Variants in COX7B2 observed in about 807,000 individuals in gnomAD.
COX7B2 encodes the protein cytochrome c oxidase subunit 7B2.
For missense variants in COX7B2, 109 were observed against 95.9 expected (o/e 1.14, Z -0.57); for synonymous variants, 37 against 32.1 (o/e 1.15, Z -0.51).
intron 1 of COX7B2, among the ~76,000 whole-genome samples, chr4:46,892,960 T>C (rs1222758329): frequency 6.6e-6 from 1 of 152,176 alleles, no homozygotes; most frequent in African/African-American, 2.4e-5. Flanking sequence ...TGCATGGCTT[T>C]CATTCTTCCC....
At chr4:46,775,611 G>A (rs1717113906) in intron 2 of COX7B2, among the ~76,000 whole-genome samples, 1 of 151,986 alleles carries the variant, frequency 6.6e-6, no homozygotes, top group Admixed American at 6.6e-5. Context: ...TCTGAATAAT[G>A]TCTTTTTCTC....
At chr4:46,803,036 C>T (rs543133508) in intron 2 of COX7B2, among the ~76,000 whole-genome samples, 3 of 152,118 alleles carry the variant, frequency 2.0e-5, no homozygotes, top group East Asian at 3.9e-4. Context: ...ATTCCATAAA[C>T]CTCCTTAGCA....
chr4:46,777,386 G>C (rs1717212220), intron 2 of COX7B2, among the ~76,000 whole-genome samples: 1 of 152,138 alleles, frequency 6.6e-6, no homozygotes, highest in African/African-American at 2.4e-5. Flanking sequence ...CAGAGAGAGA[G>C]AGAGAGACAG....
intron 2 of COX7B2, among the ~76,000 whole-genome samples, chr4:46,844,425 A>G (rs1232038923): frequency 6.6e-6 from 1 of 151,928 alleles, no homozygotes; most frequent in Non-Finnish European, 1.5e-5. Flanking sequence ...TCAACCCGGC[A>G]AAAAAGGCCC....
chr4:46,768,642 C>T (rs879246175), intron 2 of COX7B2, among the ~76,000 whole-genome samples: 1 of 152,010 alleles, frequency 6.6e-6, no homozygotes, highest in Admixed American at 6.6e-5. Flanking sequence ...GAAAAAGAAA[C>T]ATCTCAAATA....
At chr4:46,807,312 T>C (rs1719055140) in intron 2 of COX7B2, among the ~76,000 whole-genome samples, 1 of 152,014 alleles carries the variant, frequency 6.6e-6, no homozygotes, top group African/African-American at 2.4e-5. Flanking sequence ...ATGTCTTCTT[T>C]GGAGAAGTGT....
At chr4:46,903,800 C>CA (rs1468153438) in intron 1 of COX7B2, 4 of 152,256 alleles carry the variant, frequency 2.6e-5, no homozygotes, top group Non-Finnish European at 4.4e-5. Flanking sequence ...TACTATATAG[C>CA]CTATGTGTGT....
At position 46,743,843 on chromosome 4, in the gene COX7B2, T is replaced by C. The variant is rs561924299; in HGVS notation, c.-49-8602A>G. On this transcript the variant is annotated intron_variant, in intron 2 of 2. Transcript: ENST00000355591. ...GGAAAACCAAAGGATGCCTCTGTGT[T>C]CTCAATATTGTTACATCACTGTACT... Among the ~76,000 whole-genome samples, 5 of 152,288 alleles carry C rather than the reference T, an allele frequency of 3.3e-5. No individual in the cohort carries two copies. The South Asian group carries it at 1.0e-3, about 32-fold the overall frequency.
At position 46,756,008 on chromosome 4, in the gene COX7B2, A is replaced by G. The variant is rs547623344; in HGVS notation, c.-49-20767T>C. Reference sequence around the variant, plus strand: ...AAAAATGGCCCAAATAGCCAAAGAAATCCTAACCAAAAAGAACAAAGCTGG... The same window carrying G: ...AAAAATGGCCCAAATAGCCAAAGAAGTCCTAACCAAAAAGAACAAAGCTGG... On this transcript the variant is annotated intron_variant, in intron 2 of 2. Transcript: ENST00000355591. Among the ~76,000 whole-genome samples the G allele has an allele frequency of 4.6e-5, 7 of 152,228 alleles. No individual in the cohort carries two copies. The South Asian group carries it at 1.4e-3, about 32-fold the overall frequency.
intron 2 of COX7B2, among the ~76,000 whole-genome samples, chr4:46,815,693 G>C (rs1719516410): frequency 1.3e-5 from 2 of 152,100 alleles, no homozygotes; most frequent in Non-Finnish European, 2.9e-5. Context: ...CGTCCAAGAT[G>C]AGGGGAATAT....
intron 2 of COX7B2, among the ~76,000 whole-genome samples, chr4:46,806,540 T>C (rs548165981): frequency 3.3e-5 from 5 of 152,214 alleles, no homozygotes; most frequent in Non-Finnish European, 5.9e-5. Context: ...TATTTTGTTT[T>C]TGAGGCAAGA....
At chr4:46,814,687 T>C (rs1330787971) in intron 2 of COX7B2, among the ~76,000 whole-genome samples, 1 of 152,224 alleles carries the variant, frequency 6.6e-6, no homozygotes, top group Non-Finnish European at 1.5e-5. Flanking sequence ...TAATTAATTA[T>C]ACTGCAGGAT....
chr4:46,901,139 G>T (rs1443446389), intron 1 of COX7B2, among the ~76,000 whole-genome samples: 1 of 152,116 alleles, frequency 6.6e-6, no homozygotes, highest in Non-Finnish European at 1.5e-5. Context: ...TAACATTGAG[G>T]TATGAAGGGT....
intron 2 of COX7B2, among the ~76,000 whole-genome samples, chr4:46,799,922 G>C (rs1292406109): frequency 1.3e-5 from 2 of 152,142 alleles, no homozygotes; most frequent in Non-Finnish European, 2.9e-5. Context: ...AGGAGGATTT[G>C]TAGTAGCTCT....
chr4:46,818,554 G>A (rs559249430), intron 2 of COX7B2, among the ~76,000 whole-genome samples: 6 of 151,848 alleles, frequency 4.0e-5, no homozygotes, highest in South Asian at 2.1e-4. Flanking sequence ...GGAGAATGGC[G>A]TGAACCCAGG....
intron 1 of COX7B2, among the ~76,000 whole-genome samples, chr4:46,880,642 C>T (rs1307796665): frequency 6.6e-6 from 1 of 151,250 alleles, no homozygotes; most frequent in Non-Finnish European, 1.5e-5. Context: ...GTAACATTCT[C>T]TTCATCATTT....
At chr4:46,803,608 A>C (rs1245910820) in intron 2 of COX7B2, among the ~76,000 whole-genome samples, 1 of 152,072 alleles carries the variant, frequency 6.6e-6, no homozygotes, top group Admixed American at 6.5e-5. Flanking sequence ...TGTTTAGCAT[A>C]TATTTATAAA....
chr4:46,743,829 G>A (rs953616408), intron 2 of COX7B2, among the ~76,000 whole-genome samples: 7 of 152,126 alleles, frequency 4.6e-5, no homozygotes, highest in African/African-American at 1.7e-4. Context: ...GAAAACCAAA[G>A]GATGCCTCTG....
chr4:46,874,145 G>C (rs1341932405), intron 1 of COX7B2, among the ~76,000 whole-genome samples: 1 of 152,004 alleles, frequency 6.6e-6, no homozygotes, highest in Non-Finnish European at 1.5e-5. Flanking sequence ...TTTAAAAAAA[G>C]AAAGCATGGG....
Sources: allele counts gnomAD v4.1 joint callset (sites outside exome capture counted in the v4.1 genomes callset), GRCh38; gene constraint gnomAD v4.1.1; transcripts MANE v1.5; gene names NCBI Gene and HGNC (gene_info 2026-07-23, HGNC 2026-07-21).